The following SLFN5 variants were observed in gnomAD, a reference collection of about 807,000 sequenced individuals.
SLFN5 encodes schlafen family member 5.
In SLFN5, 34 loss-of-function variants were observed where a neutral mutation model predicts 48.5. The ratio of observed to expected loss-of-function variants is 0.70; its 90% CI spans 0.53 to 0.93. The LOEUF is 0.93. Ranked by LOEUF, SLFN5 falls within the 40% of genes least tolerant of loss-of-function variation. The pLI is 0.00. For missense variants in SLFN5, 1,006 were observed against 1,071.3 expected (o/e 0.94, Z 0.85); for synonymous variants, 387 against 396.2 (o/e 0.98, Z 0.28).
chr17:35,248,136 C>T (rs948826124), intron 1 of SLFN5, among the ~76,000 whole-genome samples: 4 of 152,194 alleles, frequency 2.6e-5, no homozygotes, highest in Non-Finnish European at 5.9e-5. Flanking sequence ...ATTTGTACAA[C>T]ACTAGCTCAT....
rs1358420560 is a variant in SLFN5, at chr17:35,259,711, G to A, written c.1012+9G>A. On this transcript the variant is annotated intron_variant, in intron 2 of 4. Transcript: ENST00000299977. Reference sequence around the variant, plus strand: ...GATGGAAGCTGACCCAGGTTAGGGAGCAATATCCACAATGGTTGTAATGTT... The same window carrying A: ...GATGGAAGCTGACCCAGGTTAGGGAACAATATCCACAATGGTTGTAATGTT... 1.3e-6 allele frequency: 2 copies of A among 1,598,316 alleles called. No homozygotes were observed. The highest frequency in any genetic ancestry group is 1.7e-6 in the Non-Finnish European group (2 of 1,178,976).
At position 35,265,368 on chromosome 17, in the gene SLFN5, C is replaced by G. The variant is rs1904648926; in HGVS notation, c.2156C>G (p.Ala719Gly). Residue 719 changes from alanine to glycine, a missense_variant, in exon 5 of 5, where the codon GCT (alanine) becomes GGT (glycine). Transcript: ENST00000299977. ...GTGGTCCGCAATGCAGGTCCAATAG[C>G]TAATTACCTACAACAAGTAATGCAG... ...NRVVRNAGPI[A>G]NYLQQVMQEA... is the part of the protein sequence containing the mutation. 1 of 1,614,044 alleles carries G rather than the reference C, an allele frequency of 6.2e-7. No individual in the cohort carries two copies. Among genetic ancestry groups the G allele is most frequent in the Non-Finnish European group, 8.5e-7 (1 of 1,180,044 alleles).
rs1390033905 is a variant in SLFN5, at chr17:35,272,254, AAAGTT to A, written c.*6373_*6377del. On this transcript the variant is annotated 3_prime_UTR_variant, in exon 5 of 5. Coordinates refer to ENST00000299977, the MANE Select transcript of SLFN5 (RefSeq NM_144975.4). ...TTGAAATGTATTAACAGCATATGTTAAAGTTAAGTTATGTTAACTTTATATGTTAA... is the reference window on the plus strand; with the variant it reads ...TTGAAATGTATTAACAGCATATGTTAAAGTTATGTTAACTTTATATGTTAA... 13 of 152,350 alleles carry A rather than the reference AAAGTT, an allele frequency of 8.5e-5. No individual in the cohort carries two copies. Among genetic ancestry groups the A allele is most frequent in the South Asian group, 4.1e-4 (2 of 4,828 alleles). The allele number at this position is 152,350 out of a possible 1,614,324, so 9.4% of individuals were successfully genotyped here.
At chr17:35,248,461 A>T (rs1388069106) in intron 1 of SLFN5, among the ~76,000 whole-genome samples, 1 of 152,150 alleles carries the variant, frequency 6.6e-6, no homozygotes, top group Non-Finnish European at 1.5e-5. Flanking sequence ...TGTCTTCCAG[A>T]TGCCTCCGTG....
chr17:35,254,099 A>G (rs549717551), intron 1 of SLFN5, among the ~76,000 whole-genome samples: 2 of 152,350 alleles, frequency 1.3e-5, no homozygotes, highest in South Asian at 2.1e-4. Flanking sequence ...TTATATTATC[A>G]TGACTAGGAC....
At position 35,259,329 on chromosome 17, in the gene SLFN5, G is replaced by A. The variant is rs374525257; in HGVS notation, c.639G>A (p.Pro213=). ...CACACTGTGTTAAAGACAGACTTCC[G>A]AAGTGTGTTTCTGCATTTGCAAATA... ...DVSHCVKDRL[P]KCVSAFANTE... is the part of the protein sequence containing the mutation. The change falls in exon 2 of 5, where the codon CCG becomes CCA. Residue 213 remains proline (P), a synonymous_variant. Transcript: ENST00000299977. The A allele has an allele frequency of 3.5e-5, 56 of 1,614,020 alleles. No individual in the cohort carries two copies. Among genetic ancestry groups the A allele is most frequent in the East Asian group, 2.9e-4 (13 of 44,898 alleles).
chr17:35,244,470 G>C (rs995593971), intron 1 of SLFN5, among the ~76,000 whole-genome samples: 2 of 152,130 alleles, frequency 1.3e-5, no homozygotes, highest in Non-Finnish European at 2.9e-5. Flanking sequence ...AGTTTGTCTG[G>C]CCTCGCCCTA....
intron 3 of SLFN5, 83 bp downstream of exon 3, chr17:35,261,179 AG>A: frequency 6.8e-7 from 1 of 1,479,608 alleles, no homozygotes; most frequent in South Asian, 1.4e-5. Flanking sequence ...TATTATATAC[AG>A]AATCAATTCC....
chr17:35,257,338 A>G (rs574071512), intron 1 of SLFN5, among the ~76,000 whole-genome samples: 1 of 152,322 alleles, frequency 6.6e-6, no homozygotes, highest in South Asian at 2.1e-4. Context: ...GATTAATTTT[A>G]TGGTCCTGAC....
rs913244503 is a variant in SLFN5 at position 35,270,344 on chromosome 17, C to T, written c.*4456C>T. On this transcript the variant is annotated 3_prime_UTR_variant, in exon 5 of 5. Coordinates refer to ENST00000299977, the MANE Select transcript of SLFN5 (RefSeq NM_144975.4). ...TGAAATCGCCCTCTACTAAAACAAA[C>T]TCATAGAAATAATGGGGAAGATATT... 3 of 152,190 alleles carry T rather than the reference C, an allele frequency of 2.0e-5. No homozygotes were observed. The highest frequency in any genetic ancestry group is 4.4e-5 in the Non-Finnish European group (3 of 68,022). The allele number at this position is 152,190 out of a possible 1,614,324, so 9.4% of individuals were successfully genotyped here. A position where few individuals can be genotyped will look rare whatever the true frequency, so the allele number is the denominator to read the frequency against.
At chr17:35,244,798 C>T (rs569338669) in intron 1 of SLFN5, among the ~76,000 whole-genome samples, 32 of 152,234 alleles carry the variant, frequency 2.1e-4, no homozygotes, top group Middle Eastern at 3.4e-3. Flanking sequence ...CAAAAATTAG[C>T]TGGATGTGAT....
chr17:35,263,638 C>T (rs533826014), intron 3 of SLFN5, among the ~76,000 whole-genome samples: 72 of 151,928 alleles, frequency 4.7e-4, no homozygotes, highest in African/African-American at 1.6e-3. Flanking sequence ...GCCTGGCCAA[C>T]ATGGTGAAAC....
chr17:35,247,261 C>A (rs1203421223), intron 1 of SLFN5, among the ~76,000 whole-genome samples: 1 of 152,220 alleles, frequency 6.6e-6, no homozygotes, highest in African/African-American at 2.4e-5. Flanking sequence ...CATATCATAC[C>A]TGAGCATTCC....
At chr17:35,256,944 G>A (rs1432002993) in intron 1 of SLFN5, among the ~76,000 whole-genome samples, 2 of 152,258 alleles carry the variant, frequency 1.3e-5, no homozygotes, top group South Asian at 2.1e-4. Flanking sequence ...GCCTCCTGTC[G>A]TATCAGCGGT....
At position 35,268,174 on chromosome 17, in the gene SLFN5, C is replaced by T. The variant is rs1194662163; in HGVS notation, c.*2286C>T. 3 of 152,360 alleles carry T rather than the reference C, an allele frequency of 2.0e-5. No homozygotes were observed. In the South Asian group the frequency reaches 6.2e-4, roughly 32 times the overall value. The allele number at this position is 152,360 out of a possible 1,614,324, so 9.4% of individuals were successfully genotyped here. A position where few individuals can be genotyped will look rare whatever the true frequency, so the allele number is the denominator to read the frequency against. On this transcript the variant is annotated 3_prime_UTR_variant, in exon 5 of 5. Transcript: ENST00000299977. Reference sequence around the variant, plus strand: ...AAGTAGATGGAAGACACCACCCAGGCCTCCAGCTATACACTGGAGAAGAAG... The same window carrying T: ...AAGTAGATGGAAGACACCACCCAGGTCTCCAGCTATACACTGGAGAAGAAG...
In SLFN5 at chr17:35,271,947, C is replaced by A. The variant is rs1904840680; in HGVS notation, c.*6059C>A. ...TCGGGAGGCTGAGGTGGGAGAATCA[C>A]CCAAGCCTTGGGAGGTCGAGGCTGT... On this transcript the variant is annotated 3_prime_UTR_variant, in exon 5 of 5. Transcript: ENST00000299977. The A allele has an allele frequency of 6.6e-6, 1 of 151,960 alleles. No homozygotes were observed. The highest frequency in any genetic ancestry group is 2.4e-5 in the African/African-American group (1 of 41,328). 9.4% of individuals were successfully genotyped at this position (151,960 alleles called of 1,614,324 possible). A position where few individuals can be genotyped will look rare whatever the true frequency, so the allele number is the denominator to read the frequency against.
At chr17:35,252,339 G>T (rs1237957207) in intron 1 of SLFN5, among the ~76,000 whole-genome samples, 5 of 152,156 alleles carry the variant, frequency 3.3e-5, no homozygotes, top group Non-Finnish European at 7.3e-5. Context: ...GCTAAGGCAG[G>T]AGGATAGCTT....
intron 2 of SLFN5, 128 bp downstream of exon 2, chr17:35,259,830 G>C: frequency 1.8e-6 from 2 of 1,092,396 alleles, no homozygotes; most frequent in African/African-American, 3.2e-5. Flanking sequence ...ATTTGCAATT[G>C]TCTGACTTAT....
Position 35,268,158 on chromosome 17 carries a change from G to A in SLFN5, c.*2270G>A, listed in dbSNP as rs1904748187. The A allele has an allele frequency of 6.6e-6, 1 of 152,212 alleles. No individual in the cohort carries two copies. The highest frequency in any genetic ancestry group is 2.1e-4 in the South Asian group (1 of 4,834). 9.4% of individuals were successfully genotyped at this position (152,212 alleles called of 1,614,324 possible). A position where few individuals can be genotyped will look rare whatever the true frequency, so the allele number is the denominator to read the frequency against. On this transcript the variant is annotated 3_prime_UTR_variant, in exon 5 of 5. Coordinates refer to ENST00000299977, the MANE Select transcript of SLFN5 (RefSeq NM_144975.4). ...ATATCAGGCTACACAAAAGTAGATG[G>A]AAGACACCACCCAGGCCTCCAGCTA...
Sources: allele counts gnomAD v4.1 joint callset (sites outside exome capture counted in the v4.1 genomes callset), GRCh38; gene constraint gnomAD v4.1.1; transcripts MANE v1.5; gene names NCBI Gene and HGNC (gene_info 2026-07-23, HGNC 2026-07-21).